ELAPOR1: variants seen among roughly 807,000 people sequenced by gnomAD.
ELAPOR1 encodes the protein endosome/lysosome-associated apoptosis and autophagy regulator 1.
Under a neutral mutation model 119.7 loss-of-function variants are expected in ELAPOR1, and 77 were observed. The ratio of observed to expected loss-of-function variants is 0.64; its 90% confidence interval spans 0.54 to 0.78. The LOEUF is 0.78. Among genes scored for constraint, ELAPOR1 ranks in the 30% least tolerant of loss-of-function variants. ELAPOR1 has a pLI of 0.00. For missense variants in ELAPOR1, 1,115 were observed against 1,270.4 expected, an observed-to-expected ratio of 0.88 and a Z score of 1.86; for synonymous variants, 481 against 487.2, an observed-to-expected ratio of 0.99 and a Z score of 0.17.
At chr1:109,153,593 T>A (rs777720211) in intron 1 of ELAPOR1, among the ~76,000 whole-genome samples, 1 of 151,788 alleles carries the variant, frequency 6.6e-6, no homozygotes, top group Non-Finnish European at 1.5e-5. Flanking sequence ...AGTAGTTATC[T>A]CTGTTTGGTG....
chr1:109,138,834 C>CAA lies in ELAPOR1; in HGVS notation c.154-23044_154-23043dup, dbSNP rs150398954. Reference sequence around the variant, plus strand: ...GGGCAACAAGAGTGAAACTCCATCTCAAAAAAAAAAAAAAAAAGAATCTTC... The same window carrying CAA: ...GGGCAACAAGAGTGAAACTCCATCTCAAAAAAAAAAAAAAAAAAAGAATCTTC... On this transcript the variant is annotated intron_variant, in intron 1 of 21. Transcript: ENST00000369939. Among the ~76,000 whole-genome samples the CAA allele has an allele frequency of 3.0e-3, 319 of 107,148 alleles. 7 individuals carry two copies. Among genetic ancestry groups the CAA allele is most frequent in the South Asian group, 0.013 (37 of 2,898 alleles). 70.3% of individuals were successfully genotyped at this position (107,148 alleles called of 152,430 possible).
At chr1:109,201,092 G>T (rs1487207530) in intron 21 of ELAPOR1, among the ~76,000 whole-genome samples, 192 bp downstream of exon 21, 1 of 152,148 alleles carries the variant, frequency 6.6e-6, no homozygotes, top group Non-Finnish European at 1.5e-5. Context: ...TTTCCCCCGG[G>T]GCCCAAGGCT....
Position 109,199,908 on chromosome 1 carries a change from C to T in ELAPOR1, c.2556C>T (p.Ser852=), listed in dbSNP as rs369462373. 2.0e-5 allele frequency: 32 copies of T among 1,613,806 alleles called. No homozygotes were observed. The East Asian group carries it at 4.9e-4, about 25-fold the overall frequency. ...GCAACTTCCACTTCCTGTGGGAGAG[C>T]GCGGCTGCTTGCCCGCTCTGCTCAG... ...DGCNFHFLWE[S]AAACPLCSVA... The change falls in exon 19 of 22, where the codon AGC becomes AGT. Residue 852 remains serine (S), a synonymous_variant. Transcript: ENST00000369939.
At position 109,184,985 on chromosome 1, in the gene ELAPOR1, G is replaced by A. The variant is rs913526429; in HGVS notation, c.953-60G>A. 4 of 1,338,144 alleles carry A rather than the reference G, an allele frequency of 3.0e-6. No homozygotes were observed. The African/African-American group carries it at 5.7e-5, about 19-fold the overall frequency. The allele number at this position is 1,338,144 out of a possible 1,614,324, so 82.9% of individuals were successfully genotyped here. A position where few individuals can be genotyped will look rare whatever the true frequency, so the allele number is the denominator to read the frequency against. On this transcript the variant is annotated intron_variant, in intron 7 of 21. Coordinates refer to ENST00000369939, the MANE Select transcript of ELAPOR1 (RefSeq NM_020775.5). ...CTTGGGAGTCACAGGGCCATGAAGA[G>A]GCCAGGAGCTCAGCTTTCTTATGTA...
At chr1:109,132,309 C>T (rs565234370) in intron 1 of ELAPOR1, among the ~76,000 whole-genome samples, 8 of 152,012 alleles carry the variant, frequency 5.3e-5, no homozygotes, top group Middle Eastern at 3.4e-3. Context: ...CACCACATCC[C>T]GCTAATTTTT....
chr1:109,205,074 TC>T lies in ELAPOR1; in HGVS notation c.*2066del, dbSNP rs1275083142. 1 of 152,194 alleles carries T rather than the reference TC, an allele frequency of 6.6e-6. No homozygotes were observed. The highest frequency in any genetic ancestry group is 1.5e-5 in the Non-Finnish European group (1 of 68,032). 9.4% of individuals were successfully genotyped at this position (152,194 alleles called of 1,614,324 possible). A position where few individuals can be genotyped will look rare whatever the true frequency, so the allele number is the denominator to read the frequency against. On this transcript the variant is annotated 3_prime_UTR_variant, in exon 22 of 22. Transcript: ENST00000369939. ...GAGTGGGTGTCTTCTATGCCCATTTTCCCCAATTTTACACAAACTATTATCA... is the reference window on the plus strand; with the variant it reads ...GAGTGGGTGTCTTCTATGCCCATTTTCCCAATTTTACACAAACTATTATCA...
intron 1 of ELAPOR1, among the ~76,000 whole-genome samples, chr1:109,133,348 T>C (rs774629300): frequency 7.7e-4 from 102 of 131,874 alleles, no homozygotes; most frequent in Non-Finnish European, 1.3e-3. Flanking sequence ...GTGGCCAAAG[T>C]AGAAGCCAAA....
rs1476666470 is a variant in ELAPOR1 at position 109,143,817 on chromosome 1, A to G, written c.154-18077A>G. ...CCCAAGTAGCTGGGAGTACAGACAT[A>G]AGCCACCATGCCCAGCTAATTTTTG... On this transcript the variant is annotated intron_variant, in intron 1 of 21. Coordinates refer to ENST00000369939, the MANE Select transcript of ELAPOR1 (RefSeq NM_020775.5). 2.6e-5 allele frequency among the ~76,000 whole-genome samples: 4 copies of G among 151,532 alleles called. No homozygotes were observed. The East Asian group carries it at 7.8e-4, about 30-fold the overall frequency.
intron 8 of ELAPOR1, chr1:109,187,010 G>C: frequency 1.0e-6 from 1 of 985,596 alleles, no homozygotes; most frequent in Non-Finnish European, 1.2e-6. Flanking sequence ...TTCCCCAGCT[G>C]TTCCTTGCAG....
chr1:109,125,677 C>G (rs759727413), intron 1 of ELAPOR1, among the ~76,000 whole-genome samples: 60 of 152,292 alleles, frequency 3.9e-4, no homozygotes, highest in Non-Finnish European at 6.9e-4. Flanking sequence ...AGCCACCACG[C>G]CCGGCCAAGC....
At chr1:109,191,559 C>A in intron 12 of ELAPOR1, 88 bp downstream of exon 12, 3 of 1,381,428 alleles carry the variant, frequency 2.2e-6, no homozygotes, top group Non-Finnish European at 2.0e-6. Flanking sequence ...TGACTGACAC[C>A]CCCCCTTGTA....
chr1:109,116,680 C>CTTCTGTTCTTTTTT (rs777051377), intron 1 of ELAPOR1, among the ~76,000 whole-genome samples: 2 of 96,868 alleles, frequency 2.1e-5, no homozygotes, highest in African/African-American at 7.5e-5. Context: ...CTTCTCTGTT[C>CTTCTGTTCTTTTTT]TTTTTTTTTT....
At chr1:109,201,640 G>A (rs1295632329) in intron 21 of ELAPOR1, among the ~76,000 whole-genome samples, 2 of 152,182 alleles carry the variant, frequency 1.3e-5, no homozygotes, top group Non-Finnish European at 2.9e-5. Flanking sequence ...AAAGGACCGT[G>A]CTTGGGTGTT....
chr1:109,171,104 G>A (rs1024844827), intron 3 of ELAPOR1, among the ~76,000 whole-genome samples: 2 of 152,136 alleles, frequency 1.3e-5, no homozygotes, highest in Non-Finnish European at 2.9e-5. Flanking sequence ...CCTGCCACTC[G>A]CTGCTTCGTA....
At chr1:109,171,017 G>A (rs1387910897) in intron 3 of ELAPOR1, among the ~76,000 whole-genome samples, 2 of 152,152 alleles carry the variant, frequency 1.3e-5, no homozygotes, top group Non-Finnish European at 2.9e-5. Flanking sequence ...AGACTGGGTG[G>A]ATGTCTGAGT....
chr1:109,166,508 G>A (rs1490563823), intron 3 of ELAPOR1, among the ~76,000 whole-genome samples: 1 of 152,210 alleles, frequency 6.6e-6, no homozygotes, highest in Non-Finnish European at 1.5e-5. Context: ...TTGTAGGCCA[G>A]GCACTATTCT....
chr1:109,168,865 G>A (rs575513983), intron 3 of ELAPOR1, among the ~76,000 whole-genome samples: 19 of 152,260 alleles, frequency 1.2e-4, no homozygotes, highest in African/African-American at 4.6e-4. Flanking sequence ...TTAGAGCGAT[G>A]CCTGACACTA....
chr1:109,135,749 T>G (rs750038332), intron 1 of ELAPOR1, among the ~76,000 whole-genome samples: 2 of 152,192 alleles, frequency 1.3e-5, no homozygotes, highest in Non-Finnish European at 2.9e-5. Context: ...GAATATCTCT[T>G]AACTGGTTTC....
rs913179 is a variant in ELAPOR1, at chr1:109,199,863, G to A, written c.2511G>A (p.Ser837=). ...TTTTCTGCTTTGCTAGAACGTGCTCGGATGGGACCTGTGATGGCTGCAACT... is the reference window on the plus strand; with the variant it reads ...TTTTCTGCTTTGCTAGAACGTGCTCAGATGGGACCTGTGATGGCTGCAACT... ...PGSLLLPGTC[S]DGTCDGCNFH... The change falls in exon 19 of 22, where the codon TCG becomes TCA. Residue 837 remains serine (S), a synonymous_variant. Coordinates refer to ENST00000369939, the MANE Select transcript of ELAPOR1 (RefSeq NM_020775.5). 0.79 allele frequency: 1,275,518 copies of A among 1,611,770 alleles called. 509,653 individuals carry two copies. The highest frequency in any genetic ancestry group is 0.96 in the East Asian group (43,101 of 44,870).
Sources: allele counts gnomAD v4.1 joint callset (sites outside exome capture counted in the v4.1 genomes callset), GRCh38; gene constraint gnomAD v4.1.1; transcripts MANE v1.5; gene names NCBI Gene and HGNC (gene_info 2026-07-23, HGNC 2026-07-21).